The following ESRRB variants were observed in gnomAD, a reference collection of about 807,000 sequenced individuals.
The protein encoded by ESRRB is steroid hormone receptor ERR2.
A neutral mutation model predicts 46.0 loss-of-function variants in ESRRB; 16 were observed. The observed-to-expected ratio is 0.35, with a 90% CI of 0.24 to 0.53. ESRRB has a LOEUF of 0.53. ESRRB is among the 20% of genes least tolerant of loss of function. The pLI, the probability that ESRRB is intolerant of heterozygous loss-of-function variation, is 0.93. For missense variants in ESRRB, 488 were observed against 607.4 expected (o/e 0.80, Z 2.07); for synonymous variants, 246 against 259.6 (o/e 0.95, Z 0.50).
chr14:76,323,726 C>T (rs566193205), intron 1 of ESRRB, among the ~76,000 whole-genome samples: 1 of 152,274 alleles, frequency 6.6e-6, no homozygotes, highest in South Asian at 2.1e-4. Flanking sequence ...TGCAGGGTGA[C>T]AGCATATTAG....
intron 1 of ESRRB, among the ~76,000 whole-genome samples, chr14:76,330,728 C>T (rs1884003792): frequency 6.6e-6 from 1 of 152,236 alleles, no homozygotes; most frequent in African/African-American, 2.4e-5. Flanking sequence ...AGCAAGGGCG[C>T]TGTCCCTGGT....
At chr14:76,318,149 C>A (rs1883823730) in intron 1 of ESRRB, among the ~76,000 whole-genome samples, 1 of 152,164 alleles carries the variant, frequency 6.6e-6, no homozygotes, top group African/African-American at 2.4e-5. Context: ...AATTTTCCTC[C>A]TTCCCCAGTC....
chr14:76,420,556 T>TGA (rs1240331206), intron 1 of ESRRB, among the ~76,000 whole-genome samples: 1 of 120,878 alleles, frequency 8.3e-6, no homozygotes, highest in African/African-American at 3.3e-5. Flanking sequence ...CTACAGGGTG[T>TGA]GAGTGTGTGT....
chr14:76,332,202 G>A (rs891888276), intron 1 of ESRRB, among the ~76,000 whole-genome samples: 2 of 151,618 alleles, frequency 1.3e-5, no homozygotes, highest in Admixed American at 6.6e-5. Context: ...CCATCCACCC[G>A]AGGGACCTGC....
chr14:76,418,113 G>A (rs1051404372), intron 1 of ESRRB, among the ~76,000 whole-genome samples: 4 of 151,852 alleles, frequency 2.6e-5, no homozygotes, highest in African/African-American at 9.7e-5. Flanking sequence ...CCGCCACCAT[G>A]CGTGGCTAAT....
intron 2 of ESRRB, among the ~76,000 whole-genome samples, chr14:76,448,415 G>A (rs1028078437): frequency 2.1e-5 from 3 of 146,192 alleles, no homozygotes; most frequent in Admixed American, 7.1e-5. Flanking sequence ...TGCAACCTCC[G>A]CCTCCCAGGT....
intron 1 of ESRRB, among the ~76,000 whole-genome samples, chr14:76,435,605 G>A (rs571614869): frequency 6.6e-4 from 101 of 152,332 alleles, no homozygotes; most frequent in African/African-American, 2.3e-3. Context: ...CAAGGCAGGC[G>A]GATCACCTGA....
At chr14:76,389,510 G>T (rs1885380722) in intron 1 of ESRRB, among the ~76,000 whole-genome samples, 1 of 152,348 alleles carries the variant, frequency 6.6e-6, no homozygotes, top group East Asian at 1.9e-4. Context: ...GGCCTGGGAA[G>T]AGGTAACCAG....
intron 1 of ESRRB, among the ~76,000 whole-genome samples, chr14:76,389,779 G>A (rs1030006089): frequency 6.6e-6 from 1 of 151,936 alleles, no homozygotes; most frequent in Non-Finnish European, 1.5e-5. Flanking sequence ...AAAATTAAAT[G>A]GTATAAACTT....
At chr14:76,356,421 A>G (rs1884379575) in intron 1 of ESRRB, among the ~76,000 whole-genome samples, 1 of 152,258 alleles carries the variant, frequency 6.6e-6, no homozygotes, top group African/African-American at 2.4e-5. Flanking sequence ...AGACTGCGAC[A>G]GAGACTTGCT....
In ESRRB at chr14:76,500,799, C is replaced by T; in HGVS notation, c.*2341C>T. 1.3e-6 allele frequency: 2 copies of T among 1,519,114 alleles called. No individual in the cohort carries two copies. Among genetic ancestry groups the T allele is most frequent in the Non-Finnish European group, 1.8e-6 (2 of 1,093,456 alleles). 94.1% of individuals were successfully genotyped at this position (1,519,114 alleles called of 1,614,324 possible). A position where few individuals can be genotyped will look rare whatever the true frequency, so the allele number is the denominator to read the frequency against. Reference sequence around the variant, plus strand: ...TGGATCTAGTGTTGCTGCGAGTGACCTCACTTCAGAGCCCCTCTAGCAGAG... The same window carrying T: ...TGGATCTAGTGTTGCTGCGAGTGACTTCACTTCAGAGCCCCTCTAGCAGAG... On this transcript the variant is annotated 3_prime_UTR_variant, in exon 7 of 7. Coordinates refer to ENST00000644823, the MANE Select transcript of ESRRB (RefSeq NM_001379180.1).
At chr14:76,321,508 G>A (rs1315054792) in intron 1 of ESRRB, among the ~76,000 whole-genome samples, 1 of 152,108 alleles carries the variant, frequency 6.6e-6, no homozygotes, top group Non-Finnish European at 1.5e-5. Context: ...TTTTCACCTA[G>A]ACAATAATCT....
chr14:76,349,682 G>A (rs183800180), intron 1 of ESRRB, among the ~76,000 whole-genome samples: 104 of 152,298 alleles, frequency 6.8e-4, no homozygotes, highest in Non-Finnish European at 1.2e-3. Flanking sequence ...GAGCATCCTC[G>A]TCCACTAGAA....
chr14:76,386,389 A>G (rs1418438906), intron 1 of ESRRB, among the ~76,000 whole-genome samples: 2 of 150,358 alleles, frequency 1.3e-5, no homozygotes, highest in African/African-American at 4.9e-5. Context: ...TAAGAAACAC[A>G]TTGCTCTTAT....
chr14:76,475,274 C>G (rs539023812), intron 3 of ESRRB, among the ~76,000 whole-genome samples: 5 of 150,766 alleles, frequency 3.3e-5, no homozygotes, highest in African/African-American at 1.2e-4. Context: ...GAGGCTGAGG[C>G]AGGAGGATCA....
intron 2 of ESRRB, among the ~76,000 whole-genome samples, chr14:76,453,187 G>C (rs4414418): frequency 0.44 from 67,021 of 152,150 alleles, 18,155 homozygotes; most frequent in African/African-American, 0.78. Flanking sequence ...GGGACCCTGC[G>C]GAACAGAAGG....
chr14:76,434,890 A>C (rs1887607203), intron 1 of ESRRB, among the ~76,000 whole-genome samples: 1 of 152,164 alleles, frequency 6.6e-6, no homozygotes, highest in African/African-American at 2.4e-5. Flanking sequence ...CCAGGACTCA[A>C]GTGAATGGGA....
chr14:76,324,074 G>A (rs1164301104), intron 1 of ESRRB, among the ~76,000 whole-genome samples: 2 of 152,168 alleles, frequency 1.3e-5, no homozygotes, highest in African/African-American at 2.4e-5. Context: ...AGCCTGAAAT[G>A]GGCATTCTGG....
In ESRRB at chr14:76,498,195, C is replaced by T; in HGVS notation, c.1121-19C>T. 6.2e-7 allele frequency: 1 copy of T among 1,613,548 alleles called. No individual in the cohort carries two copies. Among genetic ancestry groups the T allele is most frequent in the South Asian group, 1.1e-5 (1 of 90,970 alleles). On this transcript the variant is annotated intron_variant, in intron 6 of 6. Coordinates refer to ENST00000644823, the MANE Select transcript of ESRRB (RefSeq NM_001379180.1). ...CACTCCCTGGCCAAGCCTGCTAATG[C>T]TCGTCCTTGTGCCTGCAGATTCCAT...
Sources: gnomAD v4.1 joint callset for allele counts (sites outside exome capture counted in the v4.1 genomes callset) on GRCh38, gnomAD v4.1.1 for gene constraint, MANE v1.5 for transcripts, NCBI Gene and HGNC (gene_info 2026-07-23, HGNC 2026-07-21) for gene names.